The following GRID2IP variants were observed in gnomAD, a reference collection of about 807,000 sequenced individuals.
GRID2IP encodes the protein Grid2 interacting protein.
In GRID2IP, 78 loss-of-function variants were observed where a neutral mutation model predicts 114.3. The observed-to-expected ratio is 0.68, with a 90% CI of 0.57 to 0.82. The LOEUF is 0.82. GRID2IP is among the 40% of genes least tolerant of loss of function. The pLI, the probability that GRID2IP is intolerant of heterozygous loss-of-function variation, is 0.00. For missense variants in GRID2IP, 1,727 were observed against 1,678.5 expected (o/e 1.03, Z -0.51); for synonymous variants, 809 against 724.0 (o/e 1.12, Z -1.89).
At chr7:6,550,561 A>T (rs993938811) in intron 1 of GRID2IP, among the ~76,000 whole-genome samples, 1 of 151,714 alleles carries the variant, frequency 6.6e-6, no homozygotes, top group Middle Eastern at 3.4e-3. Context: ...CTGTAATCCC[A>T]GCACTTTGGG....
intron 2 of GRID2IP, among the ~76,000 whole-genome samples, chr7:6,531,969 G>A (rs759709084): frequency 1.6e-4 from 25 of 152,216 alleles, no homozygotes; most frequent in Non-Finnish European, 3.2e-4. Flanking sequence ...ACCCAGGTGA[G>A]TGGGGAGGGA....
Position 6,536,807 on chromosome 7 carries a change from G to T in GRID2IP, c.584+2911C>A, listed in dbSNP as rs974357135. 7 of 702,188 alleles carry T rather than the reference G, an allele frequency of 1.0e-5. No individual in the cohort carries two copies. The highest frequency in any genetic ancestry group is 1.6e-5 in the Non-Finnish European group (6 of 384,582). The allele number at this position is 702,188 out of a possible 1,614,324, so 43.5% of individuals were successfully genotyped here. ...TTTTTCCCCTCTTCTGATTCTCCTA[G>T]CAAGGGGCTCACCCCTTACTCACCC... On this transcript the variant is annotated intron_variant, in intron 2 of 21. Coordinates refer to ENST00000457091, the MANE Select transcript of GRID2IP (RefSeq NM_001145118.2). This position sits in a 1 kb window ranked among gnomAD's most constrained non-coding sequence, Gnocchi z 5.3.
chr7:6,547,989 G>C (rs560401557), intron 1 of GRID2IP, among the ~76,000 whole-genome samples: 2 of 152,198 alleles, frequency 1.3e-5, no homozygotes, highest in Non-Finnish European at 2.9e-5. Flanking sequence ...CCCTTCCACG[G>C]AGGAAAAGTC....
At chr7:6,540,653 T>C (rs1231337542) in intron 1 of GRID2IP, among the ~76,000 whole-genome samples, 1 of 149,028 alleles carries the variant, frequency 6.7e-6, no homozygotes, top group Non-Finnish European at 1.5e-5. Flanking sequence ...CCCAAGTAGC[T>C]GGGATTACAG....
intron 2 of GRID2IP, among the ~76,000 whole-genome samples, chr7:6,527,107 C>G (rs924734330): frequency 9.9e-5 from 15 of 152,070 alleles, no homozygotes; most frequent in Admixed American, 9.2e-4. Flanking sequence ...TCCTCTCCCC[C>G]CACTCCCTCT....
At chr7:6,515,173 C>T (rs1046788991) in intron 7 of GRID2IP, among the ~76,000 whole-genome samples, 1 of 151,566 alleles carries the variant, frequency 6.6e-6, no homozygotes, top group African/African-American at 2.4e-5. Flanking sequence ...TTAAAACACA[C>T]AGAGCAGGCC....
intron 7 of GRID2IP, among the ~76,000 whole-genome samples, chr7:6,517,300 G>A (rs908042604): frequency 2.6e-5 from 4 of 151,318 alleles, no homozygotes; most frequent in African/African-American, 7.3e-5. Context: ...CTCGTGATCT[G>A]CCCATCTCAG....
In GRID2IP at chr7:6,538,234, C is replaced by T. The variant is rs142361210; in HGVS notation, c.584+1484G>A. 4.3e-3 allele frequency among the ~76,000 whole-genome samples: 657 copies of T among 152,166 alleles called. 8 individuals carry two copies. Among genetic ancestry groups the T allele is most frequent in the African/African-American group, 0.015 (640 of 41,528 alleles). ...TACAAAAATTAGCTGGGCATGGTGG[C>T]ACGCACCTGAAGTCCCAGCTACTCA... On this transcript the variant is annotated intron_variant, in intron 2 of 21. Coordinates refer to ENST00000457091, the MANE Select transcript of GRID2IP (RefSeq NM_001145118.2).
At chr7:6,512,381 C>T (rs1779190916) in intron 8 of GRID2IP, among the ~76,000 whole-genome samples, 1 of 151,378 alleles carries the variant, frequency 6.6e-6, no homozygotes, top group South Asian at 2.1e-4. Flanking sequence ...GCCACCACAC[C>T]CAGCTAATTT....
In GRID2IP at chr7:6,539,982, G is replaced by C. The variant is rs1048182728; in HGVS notation, c.430-110C>G. 1.4e-5 allele frequency: 13 copies of C among 933,330 alleles called. No individual in the cohort carries two copies. The African/African-American group carries it at 2.2e-4, about 16-fold the overall frequency. The allele number at this position is 933,330 out of a possible 1,614,324, so 57.8% of individuals were successfully genotyped here. A position where few individuals can be genotyped will look rare whatever the true frequency, so the allele number is the denominator to read the frequency against. On this transcript the variant is annotated intron_variant, in intron 1 of 21. Coordinates refer to ENST00000457091, the MANE Select transcript of GRID2IP (RefSeq NM_001145118.2). ...AGTTTACCTACACGGGATGGCTGAC[G>C]TGGGCGTACCACCTGAGTGCTATGC... is the stretch of plus-strand genomic sequence containing the variant.
chr7:6,497,603 G>C lies in GRID2IP; in HGVS notation c.*171C>G. 1.8e-6 allele frequency: 1 copy of C among 556,986 alleles called. No homozygotes were observed. The highest frequency in any genetic ancestry group is 2.2e-5 in the South Asian group (1 of 44,632). 34.5% of individuals were successfully genotyped at this position (556,986 alleles called of 1,614,324 possible). On this transcript the variant is annotated 3_prime_UTR_variant, in exon 22 of 22. Coordinates refer to ENST00000457091, the MANE Select transcript of GRID2IP (RefSeq NM_001145118.2). ...CTCTGGGCCTGGGGGTAGGAACAAG[G>C]GCTGGCAGAGGAGGGCCCGACCACA...
chr7:6,543,428 C>G (rs940146139), intron 1 of GRID2IP, among the ~76,000 whole-genome samples: 1 of 151,584 alleles, frequency 6.6e-6, no homozygotes, highest in Non-Finnish European at 1.5e-5. Flanking sequence ...GTAGTCAAGG[C>G]CAAATCACCA....
rs1050301630 is a variant in GRID2IP, at chr7:6,514,332, C to T, written c.1423+43G>A. The T allele has an allele frequency of 1.4e-5, 21 of 1,453,058 alleles. No homozygotes were observed. The East Asian group carries it at 5.4e-4, about 37-fold the overall frequency. 90.0% of individuals were successfully genotyped at this position (1,453,058 alleles called of 1,614,324 possible). On this transcript the variant is annotated intron_variant, in intron 8 of 21. Coordinates refer to ENST00000457091, the MANE Select transcript of GRID2IP (RefSeq NM_001145118.2). Reference sequence around the variant, plus strand: ...CTGTTCACCTGGTGAGCTGGACAGTCAGCAGCTGCAGGCAGGGAAGTGGCA... The same window carrying T: ...CTGTTCACCTGGTGAGCTGGACAGTTAGCAGCTGCAGGCAGGGAAGTGGCA...
chr7:6,531,057 G>T (rs1228229791), intron 2 of GRID2IP: 8 of 642,322 alleles, frequency 1.2e-5, no homozygotes, highest in Non-Finnish European at 2.0e-5. Flanking sequence ...GGGACGCGAT[G>T]GGGAAGCTAC....
rs959097751 is a variant in GRID2IP at position 6,536,768 on chromosome 7, A to G, written c.584+2950T>C. On this transcript the variant is annotated intron_variant, in intron 2 of 21. Coordinates refer to ENST00000457091, the MANE Select transcript of GRID2IP (RefSeq NM_001145118.2). The surrounding 1 kb of genome is among the most constrained non-coding windows in gnomAD (Gnocchi z 5.3). ...CTCCGCGGCAAATTCGGCTCTAGAA[A>G]TAACTTTTTTCCTTTTTTCCCCTCT... 1 of 701,750 alleles carries G rather than the reference A, an allele frequency of 1.4e-6. No individual in the cohort carries two copies. Among genetic ancestry groups the G allele is most frequent in the Non-Finnish European group, 2.6e-6 (1 of 384,146 alleles). The allele number at this position is 701,750 out of a possible 1,614,324, so 43.5% of individuals were successfully genotyped here.
intron 2 of GRID2IP, chr7:6,531,178 C>G: frequency 2.1e-6 from 1 of 482,996 alleles, no homozygotes; most frequent in Non-Finnish European, 3.7e-6. Flanking sequence ...GCGAGCGCGC[C>G]GCGACTCCAC....
At position 6,520,153 on chromosome 7, in the gene GRID2IP, T is replaced by C. The variant is rs1185938974; in HGVS notation, c.1268+425A>G. Among the ~76,000 whole-genome samples the C allele has an allele frequency of 6.6e-6, 1 of 151,858 alleles. No individual in the cohort carries two copies. The highest frequency in any genetic ancestry group is 1.5e-5 in the Non-Finnish European group (1 of 67,950). On this transcript the variant is annotated intron_variant, in intron 7 of 21. Coordinates refer to ENST00000457091, the MANE Select transcript of GRID2IP (RefSeq NM_001145118.2). This position sits in a 1 kb window ranked among gnomAD's most constrained non-coding sequence, Gnocchi z 4.6. ...TAAAAATACAAAAAAATTAGCCGGG[T>C]GTGGTGGTGGGCACCTGTAATCCCA...
chr7:6,508,347 T>C lies in GRID2IP; in HGVS notation c.2182A>G (p.Ser728Gly), dbSNP rs1339913277. The part of the protein sequence containing the change: ...SFVTNERSSA[S>G]DCISSSEEGS... The stretch of plus-strand genomic sequence containing the variant: ...TCTTCACTGCTGCTGATGCAGTCGC[T>C]GGCGCTGCTCCGCTCATTGGTTACG... The change falls in exon 13 of 22, where the codon AGC (serine) becomes GGC (glycine). Residue 728 changes from serine (S) to glycine (G), a missense_variant. Physicochemically the swap from Ser to Gly is moderately conservative, Grantham distance 56 (BLOSUM62 0). Transcript: ENST00000457091. The surrounding 1 kb of genome is among the most constrained non-coding windows in gnomAD (Gnocchi z 5.6). 1 of 1,551,570 alleles carries C rather than the reference T, an allele frequency of 6.4e-7. No homozygotes were observed. Among genetic ancestry groups the C allele is most frequent in the Admixed American group, 2.0e-5 (1 of 51,000 alleles).
rs1467704816 is a variant in GRID2IP at position 6,499,671 on chromosome 7, T to G, written c.3400-1443A>C. On this transcript the variant is annotated intron_variant, in intron 20 of 21. Transcript: ENST00000457091. ...GTCCCAAACTCCTGACCTCAGGTGA[T>G]CTGCCCTCCTTGGCCTCCCAAAGTG... 2.0e-5 allele frequency among the ~76,000 whole-genome samples: 3 copies of G among 152,278 alleles called. No homozygotes were observed. In the East Asian group the frequency reaches 5.8e-4, roughly 29 times the overall value.
Sources: allele counts gnomAD v4.1 joint callset (sites outside exome capture counted in the v4.1 genomes callset), GRCh38; gene constraint gnomAD v4.1.1; non-coding constraint Gnocchi (gnomAD v3.1); transcripts MANE v1.5; gene names NCBI Gene and HGNC (gene_info 2026-07-23, HGNC 2026-07-21).